MAP3K19: variants seen among roughly 807,000 people sequenced by gnomAD.
The protein encoded by MAP3K19 is SPS1/STE20-related protein kinase YSK4.
Under a neutral mutation model 114.4 loss-of-function variants are expected in MAP3K19, and 91 were observed. The ratio of observed to expected loss-of-function variants is 0.80; its 90% confidence interval spans 0.67 to 0.95. The LOEUF is 0.95. Among genes scored for constraint, MAP3K19 ranks in the 40% least tolerant of loss-of-function variants. The pLI, the probability that MAP3K19 is intolerant of heterozygous loss-of-function variation, is 0.00. For missense variants in MAP3K19, 1,471 were observed against 1,573.2 expected, an observed-to-expected ratio of 0.94 and a Z score of 1.10; for synonymous variants, 518 against 530.5, an observed-to-expected ratio of 0.98 and a Z score of 0.32.
Position 134,988,225 on chromosome 2 carries a change from G to C in MAP3K19, c.647C>G (p.Pro216Arg), listed in dbSNP as rs746371958. The C allele has an allele frequency of 6.3e-7, 1 of 1,584,554 alleles. No individual in the cohort carries two copies. Among genetic ancestry groups the C allele is most frequent in the Admixed American group, 1.8e-5 (1 of 55,448 alleles). ...GATAGTAAGGACACCAGATCGCGTGGGCAAGAGTGACAGTGGTGGCAGAAG... is the reference window on the plus strand; with the variant it reads ...GATAGTAAGGACACCAGATCGCGTGCGCAAGAGTGACAGTGGTGGCAGAAG... ...KFLLPPLSLL[P>R]TRSGVLTIPQ... The change falls in exon 10 of 13, where the codon CCC becomes CGC. Residue 216 changes from proline (P) to arginine (R), a missense_variant. Coordinates refer to ENST00000392915, the MANE Select transcript of MAP3K19 (RefSeq NM_025052.5).
At chr2:135,032,372 A>AAGAGAG (rs1553434456) in intron 2 of MAP3K19, among the ~76,000 whole-genome samples, 8 of 145,350 alleles carry the variant, frequency 5.5e-5, no homozygotes, top group African/African-American at 2.1e-4. Flanking sequence ...AAAAAAAAAA[A>AAGAGAG]AGAAAAGAAA....
Position 134,986,933 on chromosome 2 carries a change from T to C in MAP3K19, c.1939A>G (p.Ser647Gly), listed in dbSNP as rs1685174467. 6.2e-7 allele frequency: 1 copy of C among 1,614,024 alleles called. No individual in the cohort carries two copies. The highest frequency in any genetic ancestry group is 1.7e-5 in the Admixed American group (1 of 60,006). The change falls in exon 10 of 13, where the codon AGT (serine) becomes GGT (glycine). Residue 647 changes from serine (S) to glycine (G), a missense_variant. Physicochemically the swap from Ser to Gly is moderately conservative, Grantham distance 56. Transcript: ENST00000392915. ...GAATTGATTTCTTTGAACATATCAC[T>C]ATACTTAAGATCTAGGTAATTTAGT... is the stretch of plus-strand genomic sequence containing the variant. ...PRLNYLDLKY[S>G]DMFKEINSTA... is the part of the protein sequence containing the mutation.
chr2:134,983,678 T>G lies in MAP3K19; in HGVS notation c.3220A>C (p.Thr1074Pro). The G allele has an allele frequency of 6.4e-7, 1 of 1,556,524 alleles. No homozygotes were observed. Among genetic ancestry groups the G allele is most frequent in the Non-Finnish European group, 8.6e-7 (1 of 1,157,126 alleles). Residue 1074 changes from threonine (T) to proline (P), a missense_variant and splice_region_variant, in exon 11 of 13, where the codon ACA becomes CCA. Coordinates refer to ENST00000392915, the MANE Select transcript of MAP3K19 (RefSeq NM_025052.5). The stretch of plus-strand genomic sequence containing the variant: ...TTCAAGTTTCCAGTTTAACTTACTG[T>G]GCCGTAGGCTCCCTTTCCAAGAATC... ...GEILGKGAYG[T>P]VYCGLTSQGQ...
At chr2:135,003,486 T>C (rs952659822) in intron 6 of MAP3K19, among the ~76,000 whole-genome samples, 8 of 152,168 alleles carry the variant, frequency 5.3e-5, no homozygotes, top group African/African-American at 1.9e-4. Context: ...AACAGTAAAT[T>C]TGTAGGCTCA....
chr2:135,040,282 T>C (rs1319213839), intron 2 of MAP3K19, 81 bp downstream of exon 2: 1 of 152,676 alleles, frequency 6.5e-6, no homozygotes, highest in Non-Finnish European at 1.5e-5. Context: ...ATGGGTGATA[T>C]CACTATTCAC....
At chr2:135,038,329 A>G (rs1688577017) in intron 2 of MAP3K19, among the ~76,000 whole-genome samples, 1 of 151,912 alleles carries the variant, frequency 6.6e-6, no homozygotes, top group African/African-American at 2.4e-5. Context: ...ATATGTATGT[A>G]TATATGTGTA....
rs529066802 is a variant in MAP3K19, at chr2:134,968,063, C to T, written c.3921-3147G>A. ...GAGATTAGGGAATGGTGATGACTCCCAACGAGCATGCTGCCTTCAAGCATC... is the reference window on the plus strand; with the variant it reads ...GAGATTAGGGAATGGTGATGACTCCTAACGAGCATGCTGCCTTCAAGCATC... On this transcript the variant is annotated intron_variant, in intron 12 of 12. Coordinates refer to ENST00000392915, the MANE Select transcript of MAP3K19 (RefSeq NM_025052.5). Among the ~76,000 whole-genome samples, 171 of 152,034 alleles carry T rather than the reference C, an allele frequency of 1.1e-3. No individual in the cohort carries two copies. The East Asian group carries it at 0.013, about 11-fold the overall frequency.
At chr2:134,980,386 C>T (rs1038271596) in intron 12 of MAP3K19, among the ~76,000 whole-genome samples, 10 of 151,722 alleles carry the variant, frequency 6.6e-5, no homozygotes, top group African/African-American at 1.2e-4. Context: ...AAGGCTTTTC[C>T]GATTCACCAA....
chr2:134,983,633 G>T (rs375812000), intron 11 of MAP3K19, 43 bp downstream of exon 11: 13 of 1,472,146 alleles, frequency 8.8e-6, no homozygotes, highest in East Asian at 7.3e-5. Flanking sequence ...AGGGACTGTG[G>T]GGGGGTGGGG....
chr2:135,006,194 T>C (rs1686797576), intron 5 of MAP3K19, among the ~76,000 whole-genome samples: 1 of 152,266 alleles, frequency 6.6e-6, no homozygotes, highest in African/African-American at 2.4e-5. Context: ...TTGTTTTTGA[T>C]AGTTTCCTTC....
At chr2:135,021,210 T>C (rs201823536) in intron 5 of MAP3K19, among the ~76,000 whole-genome samples, 2 of 151,678 alleles carry the variant, frequency 1.3e-5, no homozygotes, top group Non-Finnish European at 1.5e-5. Context: ...CTTTGGGAGG[T>C]AGATTATGAA....
chr2:134,989,537 G>A (rs555995381), intron 9 of MAP3K19, among the ~76,000 whole-genome samples: 28 of 152,264 alleles, frequency 1.8e-4, no homozygotes, highest in African/African-American at 6.7e-4. Context: ...TTCATCCAGT[G>A]CTTAACCATC....
Position 134,987,583 on chromosome 2 carries a change from G to T in MAP3K19, c.1289C>A (p.Pro430Gln). ...VSLHKNEAME[P>Q]NNILEECTVL... ...AGTACACTCTTCTAAAATATTGTTT[G>T]GTTCCATTGCTTCATTTTTATGTAA... Residue 430 changes from proline (P) to glutamine (Q), a missense_variant, in exon 10 of 13, where the codon CCA becomes CAA. By Grantham distance (76) the Pro-to-Gln change is moderately conservative. Transcript: ENST00000392915. 3 of 1,613,948 alleles carry T rather than the reference G, an allele frequency of 1.9e-6. No homozygotes were observed. The highest frequency in any genetic ancestry group is 1.1e-5 in the South Asian group (1 of 91,070).
At chr2:134,971,445 G>A (rs746722751) in intron 12 of MAP3K19, among the ~76,000 whole-genome samples, 27 of 152,196 alleles carry the variant, frequency 1.8e-4, no homozygotes, top group Non-Finnish European at 2.9e-4. Context: ...CATTGAATGA[G>A]TTAGGGAGAA....
At chr2:134,965,725 G>A (rs1346771492) in intron 12 of MAP3K19, among the ~76,000 whole-genome samples, 3 of 152,052 alleles carry the variant, frequency 2.0e-5, no homozygotes, top group Non-Finnish European at 4.4e-5. Context: ...TCATTTCTAT[G>A]TGTCAGGAAC....
chr2:134,977,356 A>ATTTTTTT lies in MAP3K19; in HGVS notation c.3920+3458_3920+3464dup, dbSNP rs774277347. On this transcript the variant is annotated intron_variant, in intron 12 of 12. Coordinates refer to ENST00000392915, the MANE Select transcript of MAP3K19 (RefSeq NM_025052.5). The stretch of plus-strand genomic sequence containing the variant: ...ACAACCATGACTTGCTAATTTTTAA[A>ATTTTTTT]TTTTTTTTTTTTTTTTTTTTTTTTG... Among the ~76,000 whole-genome samples, 431 of 86,796 alleles carry ATTTTTTT rather than the reference A, an allele frequency of 5.0e-3. 13 individuals are homozygous for ATTTTTTT. The highest frequency in any genetic ancestry group is 4.9e-3 in the African/African-American group (98 of 20,124). The allele number at this position is 86,796 out of a possible 152,430, so 56.9% of individuals were successfully genotyped here. A position where few individuals can be genotyped will look rare whatever the true frequency, so the allele number is the denominator to read the frequency against.
chr2:135,031,777 T>G (rs1460296984), intron 2 of MAP3K19, among the ~76,000 whole-genome samples: 1 of 152,076 alleles, frequency 6.6e-6, no homozygotes, highest in African/African-American at 2.4e-5. Context: ...CTAGGAACAC[T>G]TAGGAGGTGG....
chr2:135,018,350 T>A (rs967721413), intron 5 of MAP3K19, among the ~76,000 whole-genome samples: 7 of 151,468 alleles, frequency 4.6e-5, no homozygotes, highest in East Asian at 3.9e-4. Context: ...ACATATATAT[T>A]TTTTTAAGGG....
At position 134,981,181 on chromosome 2, in the gene MAP3K19, A is replaced by C; in HGVS notation, c.3560T>G (p.Ile1187Ser). ...CATGAGCATAACATTATTTCCTTTGATATCGCGATGTACCACACAGTTCTC... is the reference window on the plus strand; with the variant it reads ...CATGAGCATAACATTATTTCCTTTGCTATCGCGATGTACCACACAGTTCTC... ...LHENCVVHRD[I>S]KGNNVMLMPT... The change falls in exon 12 of 13, where the codon ATC (isoleucine) becomes AGC (serine). Residue 1187 changes from isoleucine to serine, a missense_variant. Transcript: ENST00000392915. 1 of 1,614,132 alleles carries C rather than the reference A, an allele frequency of 6.2e-7. No homozygotes were observed. Among genetic ancestry groups the C allele is most frequent in the Non-Finnish European group, 8.5e-7 (1 of 1,180,040 alleles).
Sources: allele counts gnomAD v4.1 joint callset (sites outside exome capture counted in the v4.1 genomes callset), GRCh38; gene constraint gnomAD v4.1.1; transcripts MANE v1.5; gene names NCBI Gene and HGNC (gene_info 2026-07-23, HGNC 2026-07-21).